Variants in CCDC149 observed in about 807,000 individuals in gnomAD.
CCDC149 encodes the protein coiled-coil domain containing 149.
A neutral mutation model predicts 59.9 loss-of-function variants in CCDC149; 45 were observed. The observed-to-expected ratio is 0.75, with a 90% CI of 0.59 to 0.96. CCDC149 has a LOEUF of 0.96. Among genes scored for constraint, CCDC149 ranks in the 40% least tolerant of loss-of-function variants. The probability of loss-of-function intolerance (pLI) is 0.00; values close to 1 mark genes in which losing one functional copy is unlikely to be tolerated. For synonymous variants in CCDC149, 245 were observed against 260.6 expected (o/e 0.94, Z 0.58); for missense variants, 584 against 664.7 (o/e 0.88, Z 1.33).
At chr4:24,810,948 A>T (rs916152181) in intron 12 of CCDC149, among the ~76,000 whole-genome samples, 1 of 152,242 alleles carries the variant, frequency 6.6e-6, no homozygotes, top group Non-Finnish European at 1.5e-5. Context: ...CATTGTTCTT[A>T]GATACTCACT....
intron 2 of CCDC149, among the ~76,000 whole-genome samples, chr4:24,874,438 C>T (rs1719281624): frequency 6.6e-6 from 1 of 151,702 alleles, no homozygotes; most frequent in Non-Finnish European, 1.5e-5. Context: ...AAAAATTAGC[C>T]AGATGTGGCG....
In CCDC149 at chr4:24,834,966, C is replaced by T; in HGVS notation, c.802G>A (p.Val268Ile). The T allele has an allele frequency of 6.2e-7, 1 of 1,613,620 alleles. No individual in the cohort carries two copies. Among genetic ancestry groups the T allele is most frequent in the Non-Finnish European group, 8.5e-7 (1 of 1,179,604 alleles). The stretch of plus-strand genomic sequence containing the variant: ...ATCCTACCTTGCTTTGCAGACAGGA[C>T]TCCTGTCAGAGCACTGCTGCTGGAT... The change falls in exon 8 of 13, where the codon GTC (valine) becomes ATC (isoleucine). Residue 268 changes from valine (V) to isoleucine (I), a missense_variant. Val to Ile is a conservative substitution (Grantham distance 29). Coordinates refer to ENST00000635206, the MANE Select transcript of CCDC149 (RefSeq NM_001330643.2).
At chr4:24,931,104 ATATG>A (rs370045000) in intron 1 of CCDC149, among the ~76,000 whole-genome samples, 482 of 151,876 alleles carry the variant, frequency 3.2e-3, no homozygotes, top group African/African-American at 0.011. Context: ...TTCTAATCAA[ATATG>A]TGTTCAATAT....
chr4:24,817,774 C>T (rs898665257), intron 12 of CCDC149, among the ~76,000 whole-genome samples: 2 of 151,958 alleles, frequency 1.3e-5, no homozygotes, highest in African/African-American at 4.8e-5. Context: ...AAAAACAATA[C>T]ATAGTTGTTG....
chr4:24,873,596 A>T lies in CCDC149; in HGVS notation c.264+85T>A, dbSNP rs564994137. ...GAAAGAATTCCAGGAAATTAAAGGAAGTTCTCTACATTTTGAGATTCCCTG... is the reference window on the plus strand; with the variant it reads ...GAAAGAATTCCAGGAAATTAAAGGATGTTCTCTACATTTTGAGATTCCCTG... On this transcript the variant is annotated intron_variant, in intron 3 of 12. Coordinates refer to ENST00000635206, the MANE Select transcript of CCDC149 (RefSeq NM_001330643.2). The T allele has an allele frequency of 1.9e-4, 172 of 896,488 alleles. No individual in the cohort carries two copies. In the East Asian group the frequency reaches 2.8e-3, roughly 14 times the overall value. 55.5% of individuals were successfully genotyped at this position (896,488 alleles called of 1,614,324 possible).
chr4:24,840,857 T>C (rs1419068205), intron 4 of CCDC149, among the ~76,000 whole-genome samples: 2 of 152,172 alleles, frequency 1.3e-5, no homozygotes, highest in Non-Finnish European at 2.9e-5. Flanking sequence ...GAGACACACA[T>C]AAAACAAGGT....
At chr4:24,974,424 CAG>C (rs956590759) in intron 1 of CCDC149, among the ~76,000 whole-genome samples, 9 of 152,180 alleles carry the variant, frequency 5.9e-5, no homozygotes, top group African/African-American at 2.2e-4. Context: ...CTCTAGAGGA[CAG>C]AGTAACCACC....
intron 12 of CCDC149, among the ~76,000 whole-genome samples, chr4:24,812,787 G>T (rs185355258): frequency 1.6e-4 from 25 of 152,314 alleles, no homozygotes; most frequent in Non-Finnish European, 3.4e-4. Context: ...ATGGCAGCAG[G>T]CAAGAGAAAG....
In CCDC149 at chr4:24,831,492, G is replaced by A. The variant is rs751715183; in HGVS notation, c.965+14C>T. 12 of 1,613,372 alleles carry A rather than the reference G, an allele frequency of 7.4e-6. No individual in the cohort carries two copies. In the South Asian group the frequency reaches 1.2e-4, roughly 16 times the overall value. On this transcript the variant is annotated intron_variant, in intron 9 of 12. Transcript: ENST00000635206. ...TTCGCGCCCACCCCCCAACACAAGA[G>A]TTTGGCCACCTACTTGTTGGTTTGC...
At chr4:24,949,498 A>G (rs910998147) in intron 1 of CCDC149, among the ~76,000 whole-genome samples, 7 of 151,976 alleles carry the variant, frequency 4.6e-5, no homozygotes, top group African/African-American at 1.7e-4. Context: ...TTGAGCTCCT[A>G]TATTTGTTTA....
Position 24,843,820 on chromosome 4 carries a change from T to C in CCDC149, c.373-5548A>G, listed in dbSNP as rs537974216. Among the ~76,000 whole-genome samples the C allele has an allele frequency of 9.2e-5, 14 of 152,178 alleles. No individual in the cohort carries two copies. The South Asian group carries it at 2.9e-3, about 32-fold the overall frequency. ...ACAGCACTGAGATCCGCATAGAGCCTCTACTAGGGCTGAAGAGGCACAATA... is the reference window on the plus strand; with the variant it reads ...ACAGCACTGAGATCCGCATAGAGCCCCTACTAGGGCTGAAGAGGCACAATA... On this transcript the variant is annotated intron_variant, in intron 4 of 12. Coordinates refer to ENST00000635206, the MANE Select transcript of CCDC149 (RefSeq NM_001330643.2).
At chr4:24,894,428 C>A (rs1002303640) in intron 1 of CCDC149, among the ~76,000 whole-genome samples, 1 of 152,110 alleles carries the variant, frequency 6.6e-6, no homozygotes, top group African/African-American at 2.4e-5. Flanking sequence ...ATAATCAAGA[C>A]TCAGCTGTTC....
intron 1 of CCDC149, among the ~76,000 whole-genome samples, chr4:24,890,856 C>T (rs757053217): frequency 6.6e-6 from 1 of 152,250 alleles, no homozygotes. Flanking sequence ...TCCATTACTA[C>T]TTTAATTATC....
At chr4:24,945,296 C>G (rs1166079844) in intron 1 of CCDC149, among the ~76,000 whole-genome samples, 1 of 152,198 alleles carries the variant, frequency 6.6e-6, no homozygotes, top group Admixed American at 6.5e-5. Context: ...AAGATGAGGT[C>G]ACACTGGCCC....
chr4:24,902,369 C>T (rs912376272), intron 1 of CCDC149, among the ~76,000 whole-genome samples: 1 of 152,212 alleles, frequency 6.6e-6, no homozygotes, highest in African/African-American at 2.4e-5. Flanking sequence ...TTAAAAAAAG[C>T]ATTCAGTGCC....
At chr4:24,814,854 C>T (rs562010374) in intron 12 of CCDC149, among the ~76,000 whole-genome samples, 28 of 152,302 alleles carry the variant, frequency 1.8e-4, no homozygotes, top group African/African-American at 5.5e-4. Context: ...CACTGAGCCC[C>T]TTCATGTCAT....
At chr4:24,885,039 A>T (rs898008377) in intron 1 of CCDC149, among the ~76,000 whole-genome samples, 2 of 152,192 alleles carry the variant, frequency 1.3e-5, no homozygotes, top group Admixed American at 1.3e-4. Flanking sequence ...CAAAGGTGAG[A>T]GGCCAGAAGA....
At chr4:24,878,898 C>T (rs904638451) in intron 1 of CCDC149, among the ~76,000 whole-genome samples, 7 of 152,186 alleles carry the variant, frequency 4.6e-5, no homozygotes, top group African/African-American at 1.7e-4. Context: ...CCATTTCACT[C>T]ACAAGGCACG....
intron 1 of CCDC149, among the ~76,000 whole-genome samples, chr4:24,893,018 T>C (rs1275438080): frequency 2.6e-5 from 4 of 152,144 alleles, no homozygotes; most frequent in Non-Finnish European, 1.5e-5. Context: ...CCTACTACCA[T>C]GATAATGACA....
Sources: gnomAD v4.1 joint callset for allele counts (sites outside exome capture counted in the v4.1 genomes callset) on GRCh38, gnomAD v4.1.1 for gene constraint, MANE v1.5 for transcripts, NCBI Gene and HGNC (gene_info 2026-07-23, HGNC 2026-07-21) for gene names.